EYS: variants seen among roughly 807,000 people sequenced by gnomAD.
The protein encoded by EYS is protein eyes shut homolog.
Under a neutral mutation model 282.1 loss-of-function variants are expected in EYS, and 250 were observed. The observed-to-expected ratio is 0.89, with a 90% confidence interval of 0.80 to 0.98. The LOEUF is 0.98. Among genes scored for constraint, EYS ranks in the 50% least tolerant of loss-of-function variants. The pLI is 0.00. For synonymous variants in EYS, 1,355 were observed against 1,282.9 expected (o/e 1.06, Z -1.20); for missense variants, 4,016 against 3,709.0 (o/e 1.08, Z -2.15).
At chr6:64,418,126 C>G (rs1774117875) in intron 28 of EYS, among the ~76,000 whole-genome samples, 1 of 151,936 alleles carries the variant, frequency 6.6e-6, no homozygotes, top group South Asian at 2.1e-4. Context: ...CTAATAGTTC[C>G]CTACCCAACT....
chr6:64,208,227 C>G (rs959720929), intron 31 of EYS, among the ~76,000 whole-genome samples: 1 of 151,998 alleles, frequency 6.6e-6, no homozygotes, highest in Non-Finnish European at 1.5e-5. Context: ...ATTATATAAC[C>G]GGTATTTATA....
At chr6:64,268,577 GATGTT>G (rs1449617287) in intron 30 of EYS, among the ~76,000 whole-genome samples, 1 of 152,156 alleles carries the variant, frequency 6.6e-6, no homozygotes, top group Admixed American at 6.6e-5. Context: ...AAGTACTGAT[GATGTT>G]ATAGCAGCTA....
intron 22 of EYS, among the ~76,000 whole-genome samples, chr6:64,682,392 AC>A: frequency 6.6e-6 from 1 of 151,944 alleles, no homozygotes; most frequent in Admixed American, 6.6e-5. Flanking sequence ...AACAACAACA[AC>A]AACAAAAAGT....
chr6:64,238,300 C>T (rs1766679609), intron 30 of EYS, among the ~76,000 whole-genome samples: 1 of 152,104 alleles, frequency 6.6e-6, no homozygotes, highest in East Asian at 1.9e-4. Flanking sequence ...CGCTGTTTCA[C>T]AGTATGAAGG....
chr6:65,314,561 G>GGGGT (rs1769248372), intron 11 of EYS, among the ~76,000 whole-genome samples: 1 of 106,340 alleles, frequency 9.4e-6, no homozygotes, highest in African/African-American at 3.8e-5. Context: ...TTCCCCTTAT[G>GGGGT]GTGTGTGTGT....
intron 31 of EYS, among the ~76,000 whole-genome samples, chr6:64,186,248 T>TACACACACACAC (rs34727951): frequency 8.8e-5 from 13 of 146,968 alleles, no homozygotes; most frequent in Non-Finnish European, 1.2e-4. Context: ...ATGTGTGTTT[T>TACACACACACAC]ACACACACAC....
chr6:63,772,968 C>T (rs1389525446), intron 40 of EYS, among the ~76,000 whole-genome samples: 5 of 151,932 alleles, frequency 3.3e-5, no homozygotes, highest in African/African-American at 1.2e-4. Flanking sequence ...CCTTTTCTTA[C>T]ATGTTTCTTT....
At chr6:64,059,290 A>T (rs1362886459) in intron 33 of EYS, among the ~76,000 whole-genome samples, 1 of 152,106 alleles carries the variant, frequency 6.6e-6, no homozygotes, top group Admixed American at 6.6e-5. Context: ...TCATCTTGGC[A>T]TTTGGTAAGA....
chr6:65,538,630 G>A (rs1479706625), intron 2 of EYS, among the ~76,000 whole-genome samples: 3 of 152,132 alleles, frequency 2.0e-5, no homozygotes, highest in Non-Finnish European at 2.9e-5. Flanking sequence ...ATATTTTAAT[G>A]TTTGAATGGA....
intron 14 of EYS, among the ~76,000 whole-genome samples, chr6:64,969,523 C>T (rs1402300206): frequency 6.6e-6 from 1 of 152,060 alleles, no homozygotes; most frequent in Non-Finnish European, 1.5e-5. Context: ...CCATTCTTGG[C>T]AGCCACAGAT....
intron 5 of EYS, among the ~76,000 whole-genome samples, chr6:65,415,179 T>C (rs949638841): frequency 2.0e-5 from 3 of 152,016 alleles, no homozygotes; most frequent in African/African-American, 7.2e-5. Flanking sequence ...ATTAGTTGCA[T>C]AGGTTCAAGA....
chr6:65,403,370 CCTT>C (rs1481772472), intron 6 of EYS, among the ~76,000 whole-genome samples: 1 of 151,952 alleles, frequency 6.6e-6, no homozygotes, highest in Non-Finnish European at 1.5e-5. Context: ...TTGCTGTCCT[CCTT>C]ATTTTTTCCT....
chr6:64,267,608 A>C (rs1455047594), intron 30 of EYS, among the ~76,000 whole-genome samples: 1 of 152,162 alleles, frequency 6.6e-6, no homozygotes, highest in Non-Finnish European at 1.5e-5. Context: ...TAGACATTAA[A>C]AATCTTGAAA....
intron 12 of EYS, among the ~76,000 whole-genome samples, chr6:65,091,207 G>T (rs1774549323): frequency 6.7e-6 from 1 of 150,182 alleles, no homozygotes; most frequent in South Asian, 2.1e-4. Flanking sequence ...GCCGAGGTGG[G>T]TGGATCACCT....
chr6:64,133,856 TTCTCTTTCCTGAGGTTTATC>T (rs1274524440), intron 31 of EYS, among the ~76,000 whole-genome samples: 1 of 152,018 alleles, frequency 6.6e-6, no homozygotes, highest in East Asian at 1.9e-4. Context: ...TTTTTTTTCT[TTCTCTTTCCTGAGGTTTATC>T]TCTAAGTATC....
intron 12 of EYS, among the ~76,000 whole-genome samples, chr6:65,148,038 A>T (rs1764520306): frequency 6.6e-6 from 1 of 152,090 alleles, no homozygotes; most frequent in Non-Finnish European, 1.5e-5. Context: ...GATTACGGGA[A>T]CCACAATTCA....
intron 12 of EYS, among the ~76,000 whole-genome samples, chr6:65,220,753 C>G (rs535317767): frequency 1.3e-5 from 2 of 152,114 alleles, no homozygotes; most frequent in East Asian, 3.9e-4. Flanking sequence ...CAGAGGAAGA[C>G]AGAAAGATGT....
intron 33 of EYS, among the ~76,000 whole-genome samples, chr6:64,042,683 T>C (rs1219417837): frequency 1.3e-5 from 2 of 152,196 alleles, no homozygotes; most frequent in African/African-American, 4.8e-5. Context: ...ATGTAGTGGC[T>C]TTTCGCTTTT....
chr6:65,283,355 A>C (rs1768275297), intron 12 of EYS, among the ~76,000 whole-genome samples: 1 of 152,032 alleles, frequency 6.6e-6, no homozygotes, highest in South Asian at 2.1e-4. Context: ...TCCAAATGAT[A>C]ATATCAGTTG....
Sources: allele counts gnomAD v4.1 joint callset (sites outside exome capture counted in the v4.1 genomes callset), GRCh38; gene constraint gnomAD v4.1.1; transcripts MANE v1.5; gene names NCBI Gene and HGNC (gene_info 2026-07-23, HGNC 2026-07-21).